The following ZBED3 variants were observed in gnomAD, a reference collection of about 807,000 sequenced individuals.
ZBED3 encodes the protein zinc finger BED-type containing 3.
For synonymous variants in ZBED3, 175 were observed against 180.0 expected (o/e 0.97, Z 0.22); for missense variants, 388 against 362.9 (o/e 1.07, Z -0.56).
intron 2 of ZBED3, 74 bp from the exon 3 acceptor site, chr5:77,077,969 A>G: frequency 9.3e-7 from 1 of 1,078,208 alleles, no homozygotes; most frequent in South Asian, 4.8e-5. Flanking sequence ...TTAGCCTAAG[A>G]AACCATGCCG....
At position 77,077,639 on chromosome 5, in the gene ZBED3, C is replaced by G; in HGVS notation, c.240G>C (p.Pro80=). 1 of 1,409,802 alleles carries G rather than the reference C, an allele frequency of 7.1e-7. No individual in the cohort carries two copies. Among genetic ancestry groups the G allele is most frequent in the Non-Finnish European group, 9.2e-7 (1 of 1,081,816 alleles). 87.3% of individuals were successfully genotyped at this position (1,409,802 alleles called of 1,614,324 possible). A position where few individuals can be genotyped will look rare whatever the true frequency, so the allele number is the denominator to read the frequency against. ...ACGCCGAGGTCCCCGCGTGGAAGCCCGGGCCGCGGCCCACCTGCTCCCCGC... is the reference window on the plus strand; with the variant it reads ...ACGCCGAGGTCCCCGCGTGGAAGCCGGGGCCGCGGCCCACCTGCTCCCCGC... ...RLCGEQVGRG[P]GFHAGTSALW... is the part of the protein sequence containing the mutation. Residue 80 remains proline, a synonymous_variant, in exon 3 of 3, where the codon CCG becomes CCC. Transcript: ENST00000255198.
In ZBED3 at chr5:77,073,023, G is replaced by A. The variant is rs1002994561; in HGVS notation, c.*4151C>T. 5 of 152,140 alleles carry A rather than the reference G, an allele frequency of 3.3e-5. No individual in the cohort carries two copies. Among genetic ancestry groups the A allele is most frequent in the East Asian group, 1.9e-4 (1 of 5,202 alleles). The allele number at this position is 152,140 out of a possible 1,614,324, so 9.4% of individuals were successfully genotyped here. A position where few individuals can be genotyped will look rare whatever the true frequency, so the allele number is the denominator to read the frequency against. On this transcript the variant is annotated 3_prime_UTR_variant, in exon 3 of 3. Transcript: ENST00000255198. ...AAATGGGGATTATATCCATGCTTTCGTTGGAGATTTTATTTTAACTAAGGA... is the reference window on the plus strand; with the variant it reads ...AAATGGGGATTATATCCATGCTTTCATTGGAGATTTTATTTTAACTAAGGA...
Position 77,076,874 on chromosome 5 carries a change from G to A in ZBED3, c.*300C>T. The A allele has an allele frequency of 8.3e-6, 2 of 240,906 alleles. No individual in the cohort carries two copies. Among genetic ancestry groups the A allele is most frequent in the Non-Finnish European group, 1.6e-5 (2 of 126,052 alleles). The allele number at this position is 240,906 out of a possible 1,614,324, so 14.9% of individuals were successfully genotyped here. A position where few individuals can be genotyped will look rare whatever the true frequency, so the allele number is the denominator to read the frequency against. On this transcript the variant is annotated 3_prime_UTR_variant, in exon 3 of 3. Transcript: ENST00000255198. Reference sequence around the variant, plus strand: ...ATGGCACTGGGTGGTCTGGGTTCACGGGGCTCCTGGAGCTCTCGGGTGTCC... The same window carrying A: ...ATGGCACTGGGTGGTCTGGGTTCACAGGGCTCCTGGAGCTCTCGGGTGTCC...
intron 1 of ZBED3, chr5:77,080,431 T>A: frequency 2.1e-6 from 1 of 476,702 alleles, no homozygotes. Context: ...ACAGGCTGCA[T>A]CACAAATGTC....
chr5:77,077,209 T>C lies in ZBED3; in HGVS notation c.670A>G (p.Arg224Gly). 6.7e-7 allele frequency: 1 copy of C among 1,503,326 alleles called. No individual in the cohort carries two copies. The highest frequency in any genetic ancestry group is 2.1e-5 in the Admixed American group (1 of 47,498). The allele number at this position is 1,503,326 out of a possible 1,614,324, so 93.1% of individuals were successfully genotyped here. Residue 224 changes from arginine to glycine, a missense_variant, in exon 3 of 3, where the codon AGG (arginine) becomes GGG (glycine). Coordinates refer to ENST00000255198, the MANE Select transcript of ZBED3 (RefSeq NM_032367.4). ...PPLKDDPEGDRDGCVITKVLL is the reference protein window; with the variant it reads ...PPLKDDPEGDGDGCVITKVLL The stretch of plus-strand genomic sequence containing the variant: ...ACCTTTGTGATGACGCAGCCGTCCC[T>C]GTCACCCTCGGGGTCGTCCTTGAGC...
rs5027645 is a variant in ZBED3, at chr5:77,075,981, G to T, written c.*1193C>A. ...TATATATATATGTATATGTATATAT[G>T]TATATATATATGTATATATGTATAT... is the stretch of plus-strand genomic sequence containing the variant. On this transcript the variant is annotated 3_prime_UTR_variant, in exon 3 of 3. Coordinates refer to ENST00000255198, the MANE Select transcript of ZBED3 (RefSeq NM_032367.4). The T allele has an allele frequency of 2.4e-4, 6 of 24,836 alleles. 2 individuals carry two copies. The highest frequency in any genetic ancestry group is 1.0e-3 in the African/African-American group (5 of 4,982). 1.5% of individuals were successfully genotyped at this position (24,836 alleles called of 1,614,324 possible). A position where few individuals can be genotyped will look rare whatever the true frequency, so the allele number is the denominator to read the frequency against.
rs1476206275 is a variant in ZBED3, at chr5:77,077,623, TC to T, written c.255del (p.Thr86ProfsTer8). On this transcript the variant is annotated frameshift_variant, in exon 3 of 3. Coordinates refer to ENST00000255198, the MANE Select transcript of ZBED3 (RefSeq NM_032367.4). LOFTEE classifies it low-confidence loss of function (END_TRUNC). ...CTCAGGTGCCTCCACAACGCCGAGGTCCCCGCGTGGAAGCCCGGGCCGCGGC... is the reference window on the plus strand; with the variant it reads ...CTCAGGTGCCTCCACAACGCCGAGGTCCCGCGTGGAAGCCCGGGCCGCGGC... Reference protein sequence around the residue: ...QVGRGPGFHAGTSALWRHLRS... With the variant: ...QVGRGPGFHAXTSALWRHLRS... The T allele has an allele frequency of 7.1e-7, 1 of 1,410,396 alleles. No homozygotes were observed. The highest frequency in any genetic ancestry group is 9.2e-7 in the Non-Finnish European group (1 of 1,081,756). The allele number at this position is 1,410,396 out of a possible 1,614,324, so 87.4% of individuals were successfully genotyped here.
rs917991487 is a variant in ZBED3, at chr5:77,077,051, G to A, written c.*123C>T. Reference sequence around the variant, plus strand: ...GTGTGGAAGATCCTACAGTTAGCTGGAGCTTCCGAGTGAGTAGCGGCTGCG... The same window carrying A: ...GTGTGGAAGATCCTACAGTTAGCTGAAGCTTCCGAGTGAGTAGCGGCTGCG... On this transcript the variant is annotated 3_prime_UTR_variant, in exon 3 of 3. Coordinates refer to ENST00000255198, the MANE Select transcript of ZBED3 (RefSeq NM_032367.4). The A allele has an allele frequency of 1.2e-5, 8 of 677,498 alleles. No individual in the cohort carries two copies. The highest frequency in any genetic ancestry group is 1.7e-5 in the Non-Finnish European group (8 of 475,132). The allele number at this position is 677,498 out of a possible 1,614,324, so 42.0% of individuals were successfully genotyped here.
intron 1 of ZBED3, among the ~76,000 whole-genome samples, chr5:77,080,231 A>G (rs1743101116): frequency 6.6e-6 from 1 of 152,216 alleles, no homozygotes. Flanking sequence ...TGCCCCTGAT[A>G]GTGCCAGAGG....
intron 2 of ZBED3, among the ~76,000 whole-genome samples, 151 bp from the exon 3 acceptor site, chr5:77,078,046 A>G (rs1580146382): frequency 6.6e-6 from 1 of 152,332 alleles, no homozygotes; most frequent in Admixed American, 6.5e-5. Flanking sequence ...TTTCTAATTA[A>G]TCTTCAGTAT....
chr5:77,078,532 T>C (rs1743071660), intron 2 of ZBED3, 62 bp downstream of exon 2: 1 of 152,252 alleles, frequency 6.6e-6, no homozygotes, highest in South Asian at 2.1e-4. Context: ...CTGAAAGCAA[T>C]GCTTTTAAGA....
chr5:77,085,493 G>A (rs7725252), intron 1 of ZBED3, among the ~76,000 whole-genome samples: 85,480 of 152,104 alleles, frequency 0.56, 24,325 homozygotes, highest in Middle Eastern at 0.63. Context: ...TAGTTGGGTT[G>A]ACCAGGCAGA....
Position 77,077,700 on chromosome 5 carries a change from C to T in ZBED3, c.179G>A (p.Gly60Glu). The change falls in exon 3 of 3, where the codon GGG becomes GAG. Residue 60 changes from glycine to glutamate, a missense_variant. Transcript: ENST00000255198. ...GGTGGCCCAGTGGCCCGACGGATGC[C>T]CGGGGCGCCCCGGCGCCAGGTGGAA... The part of the protein sequence containing the change: ...GYFHLAPGRP[G>E]HPSGHWATCR... The T allele has an allele frequency of 7.4e-7, 1 of 1,346,810 alleles. No individual in the cohort carries two copies. Among genetic ancestry groups the T allele is most frequent in the African/African-American group, 1.5e-5 (1 of 65,250 alleles). 83.4% of individuals were successfully genotyped at this position (1,346,810 alleles called of 1,614,324 possible).
intron 1 of ZBED3, among the ~76,000 whole-genome samples, chr5:77,083,822 T>C (rs1743179082): frequency 6.6e-6 from 1 of 152,160 alleles, no homozygotes; most frequent in Non-Finnish European, 1.5e-5. Context: ...ACTTCCTAAA[T>C]TGAACTTCAT....
chr5:77,077,534 G>C lies in ZBED3; in HGVS notation c.345C>G (p.Cys115Trp). Reference protein sequence around the residue: ...GAGSSPPAAPCPPPPGPAAAP... With the variant: ...GAGSSPPAAPWPPPPGPAAAP... ...CCGCAGCGGGGCCGGGCGGCGGCGG[G>C]CAGGGCGCGGCAGGTGGGGAGCTCC... Residue 115 changes from cysteine to tryptophan, a missense_variant, in exon 3 of 3, where the codon TGC (cysteine) becomes TGG (tryptophan). By Grantham distance (215) the Cys-to-Trp change is radical. Transcript: ENST00000255198. The C allele has an allele frequency of 1.6e-6, 2 of 1,214,974 alleles. No individual in the cohort carries two copies. Among genetic ancestry groups the C allele is most frequent in the Non-Finnish European group, 2.0e-6 (2 of 980,140 alleles). 75.3% of individuals were successfully genotyped at this position (1,214,974 alleles called of 1,614,324 possible). A position where few individuals can be genotyped will look rare whatever the true frequency, so the allele number is the denominator to read the frequency against.
Position 77,075,982 on chromosome 5 carries a change from T to TACAC in ZBED3, c.*1191_*1192insGTGT, listed in dbSNP as rs1742980014. 1 of 29,586 alleles carries TACAC rather than the reference T, an allele frequency of 3.4e-5. No individual in the cohort carries two copies. Among genetic ancestry groups the TACAC allele is most frequent in the Non-Finnish European group, 6.7e-5 (1 of 14,852 alleles). 1.8% of individuals were successfully genotyped at this position (29,586 alleles called of 1,614,324 possible). On this transcript the variant is annotated 3_prime_UTR_variant, in exon 3 of 3. Transcript: ENST00000255198. The stretch of plus-strand genomic sequence containing the variant: ...ATATATATATGTATATGTATATATG[T>TACAC]ATATATATATGTATATATGTATATA...
At position 77,077,348 on chromosome 5, in the gene ZBED3, G is replaced by A. The variant is rs1176442160; in HGVS notation, c.531C>T (p.Ala177=). ...GCAGTTCCCGGCGCGCCTGGGCCGC[G>A]GCGCGCTCTTCCTCCTGCAGCGCCC... ...RRRALQEEER[A]AAQARRELQA... Residue 177 remains alanine, a synonymous_variant, in exon 3 of 3, where the codon GCC becomes GCT. Coordinates refer to ENST00000255198, the MANE Select transcript of ZBED3 (RefSeq NM_032367.4). The A allele has an allele frequency of 8.8e-6, 11 of 1,254,146 alleles. No homozygotes were observed. Among genetic ancestry groups the A allele is most frequent in the Admixed American group, 4.3e-5 (1 of 23,328 alleles). 77.7% of individuals were successfully genotyped at this position (1,254,146 alleles called of 1,614,324 possible).
Position 77,077,408 on chromosome 5 carries a change from C to T in ZBED3, c.471G>A (p.Val157=). The T allele has an allele frequency of 2.4e-6, 3 of 1,244,740 alleles. No individual in the cohort carries two copies. Among genetic ancestry groups the T allele is most frequent in the Non-Finnish European group, 3.0e-6 (3 of 993,044 alleles). The allele number at this position is 1,244,740 out of a possible 1,614,324, so 77.1% of individuals were successfully genotyped here. ...GCTCCAGGGCGCGCTCGCCCTGCTCCACGGCCAGCTCGCGCCGCTCCAGCT... is the reference window on the plus strand; with the variant it reads ...GCTCCAGGGCGCGCTCGCCCTGCTCTACGGCCAGCTCGCGCCGCTCCAGCT... ...ERELERRELA[V]EQGERALERR... is the part of the protein sequence containing the mutation. Residue 157 remains valine, a synonymous_variant, in exon 3 of 3, where the codon GTG becomes GTA. Coordinates refer to ENST00000255198, the MANE Select transcript of ZBED3 (RefSeq NM_032367.4).
Position 77,077,070 on chromosome 5 carries a change from G to T in ZBED3, c.*104C>A, listed in dbSNP as rs189438578. ...TAGCTGGAGCTTCCGAGTGAGTAGCGGCTGCGGGCCTGGCTTCGGTTACGG... is the reference window on the plus strand; with the variant it reads ...TAGCTGGAGCTTCCGAGTGAGTAGCTGCTGCGGGCCTGGCTTCGGTTACGG... On this transcript the variant is annotated 3_prime_UTR_variant, in exon 3 of 3. Coordinates refer to ENST00000255198, the MANE Select transcript of ZBED3 (RefSeq NM_032367.4). 1.1e-5 allele frequency: 9 copies of T among 845,734 alleles called. No individual in the cohort carries two copies. The African/African-American group carries it at 1.2e-4, about 12-fold the overall frequency. 52.4% of individuals were successfully genotyped at this position (845,734 alleles called of 1,614,324 possible).
Sources: allele counts gnomAD v4.1 joint callset (sites outside exome capture counted in the v4.1 genomes callset), GRCh38; gene constraint gnomAD v4.1.1; transcripts MANE v1.5; gene names NCBI Gene and HGNC (gene_info 2026-07-23, HGNC 2026-07-21).